Variants in SCAPER observed in about 807,000 individuals in gnomAD.
The protein encoded by SCAPER is S phase cyclin A-associated protein in the endoplasmic reticulum.
SCAPER carries 98 observed loss-of-function variants against 182.2 expected under a neutral mutation model. The ratio of observed to expected loss-of-function variants is 0.54; its 90% confidence interval spans 0.46 to 0.64. SCAPER has a LOEUF of 0.64. Among genes scored for constraint, SCAPER ranks in the 30% least tolerant of loss-of-function variants. The pLI is 0.00. For missense variants in SCAPER, 1,432 were observed against 1,690.0 expected (o/e 0.85, Z 2.68); for synonymous variants, 605 against 564.6 (o/e 1.07, Z -1.01).
At chr15:76,461,706 C>A (rs2049193206) in intron 25 of SCAPER, among the ~76,000 whole-genome samples, 3 of 152,108 alleles carry the variant, frequency 2.0e-5, no homozygotes, top group African/African-American at 7.2e-5. Context: ...ATTCTAACAT[C>A]TGTGTCATCT....
At chr15:76,797,270 G>A (rs2065398666) in intron 7 of SCAPER, 1 of 152,142 alleles carries the variant, frequency 6.6e-6, no homozygotes. Flanking sequence ...AAGAAGTAGA[G>A]TCCAAAACAA....
chr15:76,769,252 C>T (rs2063301595), intron 10 of SCAPER, among the ~76,000 whole-genome samples: 1 of 151,456 alleles, frequency 6.6e-6, no homozygotes, highest in South Asian at 2.1e-4. Context: ...ACCAGCCTGG[C>T]TAACATGGTG....
At chr15:76,507,578 G>C (rs1250795735) in intron 23 of SCAPER, among the ~76,000 whole-genome samples, 4 of 152,018 alleles carry the variant, frequency 2.6e-5, no homozygotes, top group Non-Finnish European at 5.9e-5. Context: ...AAACATATTT[G>C]CCTGATTCTC....
chr15:76,841,728 C>T lies in SCAPER; in HGVS notation c.393+6G>A. 1 of 1,613,534 alleles carries T rather than the reference C, an allele frequency of 6.2e-7. No homozygotes were observed. The highest frequency in any genetic ancestry group is 8.5e-7 in the Non-Finnish European group (1 of 1,179,692). ...ATGGATTACAAGGCCTCAAAGCAAA[C>T]CTTACCTTACATTCGACCACACTCT... On this transcript the variant is annotated splice_donor_region_variant and intron_variant, in intron 5 of 31. Coordinates refer to ENST00000563290, the MANE Select transcript of SCAPER (RefSeq NM_020843.4).
intron 27 of SCAPER, among the ~76,000 whole-genome samples, chr15:76,384,819 A>G (rs2043188628): frequency 6.6e-6 from 1 of 152,182 alleles, no homozygotes; most frequent in South Asian, 2.1e-4. Context: ...AAGTACAGAT[A>G]ATTTGTCCAT....
chr15:76,793,144 A>G lies in SCAPER; in HGVS notation c.772+2136T>C, dbSNP rs755981997. The G allele has an allele frequency of 2.4e-4, 208 of 861,134 alleles. 2 individuals carry two copies. The Middle Eastern group carries it at 2.7e-3, about 11-fold the overall frequency. The allele number at this position is 861,134 out of a possible 1,614,324, so 53.3% of individuals were successfully genotyped here. A position where few individuals can be genotyped will look rare whatever the true frequency, so the allele number is the denominator to read the frequency against. On this transcript the variant is annotated intron_variant, in intron 8 of 31. Transcript: ENST00000563290. ...ATTAAATGCATGTGGTCACTCTATCATCTTTAACTAGAATTATTTTTTATA... is the reference window on the plus strand; with the variant it reads ...ATTAAATGCATGTGGTCACTCTATCGTCTTTAACTAGAATTATTTTTTATA...
intron 27 of SCAPER, among the ~76,000 whole-genome samples, chr15:76,386,151 G>A (rs1477395629): frequency 1.3e-5 from 2 of 152,036 alleles, no homozygotes; most frequent in African/African-American, 4.8e-5. Flanking sequence ...CTTGCCTCCC[G>A]TCTTTATTTA....
Position 76,409,938 on chromosome 15 carries a change from C to T in SCAPER, c.3312-5259G>A, listed in dbSNP as rs548803448. On this transcript the variant is annotated intron_variant, in intron 26 of 31. Transcript: ENST00000563290. ...GAGTAGCTGAGACTACAGGTGCATGCCATCAGGCCTGGCTAATTTTTTTTT... is the reference window on the plus strand; with the variant it reads ...GAGTAGCTGAGACTACAGGTGCATGTCATCAGGCCTGGCTAATTTTTTTTT... Among the ~76,000 whole-genome samples the T allele has an allele frequency of 2.0e-5, 3 of 151,872 alleles. No individual in the cohort carries two copies. In the South Asian group the frequency reaches 6.2e-4, roughly 32 times the overall value.
intron 29 of SCAPER, among the ~76,000 whole-genome samples, chr15:76,370,565 A>G (rs2042100673): frequency 6.6e-6 from 1 of 152,100 alleles, no homozygotes; most frequent in Admixed American, 6.5e-5. Flanking sequence ...TCGGCTGCCC[A>G]AAGTGCTGGG....
At chr15:76,744,773 C>T (rs2061709049) in intron 15 of SCAPER, among the ~76,000 whole-genome samples, 1 of 152,098 alleles carries the variant, frequency 6.6e-6, no homozygotes, top group Admixed American at 6.5e-5. Context: ...CCAGCAATTC[C>T]ATTACTGGGG....
At chr15:76,711,515 C>T (rs1252924732) in intron 17 of SCAPER, among the ~76,000 whole-genome samples, 3 of 152,148 alleles carry the variant, frequency 2.0e-5, no homozygotes, top group East Asian at 1.9e-4. Flanking sequence ...ATTTAAAAAA[C>T]TGATCCACCA....
intron 23 of SCAPER, among the ~76,000 whole-genome samples, chr15:76,524,870 T>C (rs1337877149): frequency 6.6e-6 from 1 of 152,020 alleles, no homozygotes; most frequent in African/African-American, 2.4e-5. Context: ...AAATAATCCA[T>C]TGTATGCCCC....
rs376977348 is a variant in SCAPER, at chr15:76,520,952, T to C, written c.2839-15978A>G. 5.6e-4 allele frequency among the ~76,000 whole-genome samples: 85 copies of C among 152,288 alleles called. 1 individual carries two copies. Among genetic ancestry groups the C allele is most frequent in the African/African-American group, 1.8e-3 (76 of 41,552 alleles). ...ATAAAGGGTCAGTGGCGGGAAGTTT[T>C]CCTAGACAGATGATAGCACTACAGA... is the stretch of plus-strand genomic sequence containing the variant. On this transcript the variant is annotated intron_variant, in intron 23 of 31. Transcript: ENST00000563290.
chr15:76,413,094 TCTTA>T (rs1168594269), intron 26 of SCAPER, among the ~76,000 whole-genome samples: 4 of 152,222 alleles, frequency 2.6e-5, no homozygotes, highest in Admixed American at 6.5e-5. Context: ...CTTGCTTAAA[TCTTA>T]CTTAACAGTT....
At chr15:76,483,331 A>G (rs1015572774) in intron 24 of SCAPER, among the ~76,000 whole-genome samples, 2 of 150,956 alleles carry the variant, frequency 1.3e-5, no homozygotes, top group African/African-American at 4.9e-5. Flanking sequence ...ATGATTTTAT[A>G]TTTTTCACAA....
At chr15:76,874,393 G>C (rs2073000256) in intron 2 of SCAPER, among the ~76,000 whole-genome samples, 1 of 151,768 alleles carries the variant, frequency 6.6e-6, no homozygotes, top group Non-Finnish European at 1.5e-5. Context: ...CAAGAAGTTA[G>C]TAAAAGAGCA....
At chr15:76,505,201 T>C (rs1265100150) in intron 23 of SCAPER, among the ~76,000 whole-genome samples, 3 of 152,248 alleles carry the variant, frequency 2.0e-5, no homozygotes, top group South Asian at 2.1e-4. Flanking sequence ...AGCTTAAAAT[T>C]GGTAGATGGC....
chr15:76,576,819 C>G (rs2047860834), intron 22 of SCAPER: 1 of 152,176 alleles, frequency 6.6e-6, no homozygotes, highest in African/African-American at 2.4e-5. Context: ...CAACAGGACA[C>G]AATTCAGCTG....
intron 15 of SCAPER, among the ~76,000 whole-genome samples, chr15:76,747,665 T>C (rs1730198466): frequency 6.6e-6 from 1 of 152,020 alleles, no homozygotes; most frequent in African/African-American, 2.4e-5. Flanking sequence ...CCTGCAAAAG[T>C]TCCCTCAAGA....
Sources: gnomAD v4.1 joint callset for allele counts (sites outside exome capture counted in the v4.1 genomes callset) on GRCh38, gnomAD v4.1.1 for gene constraint, MANE v1.5 for transcripts, NCBI Gene and HGNC (gene_info 2026-07-23, HGNC 2026-07-21) for gene names.